SNRK: variants seen among roughly 807,000 people sequenced by gnomAD.
SNRK encodes the protein SNF related kinase.
SNRK carries 3 observed loss-of-function variants against 48.2 expected under a neutral mutation model. The ratio of observed to expected loss-of-function variants is 0.06; its 90% confidence interval spans 0.03 to 0.16. SNRK has a LOEUF of 0.16. Among genes scored for constraint, SNRK ranks in the 10% least tolerant of loss-of-function variants. The pLI is 1.00. For missense variants in SNRK, 627 were observed against 976.0 expected (o/e 0.64, Z 4.76); for synonymous variants, 376 against 366.1 (o/e 1.03, Z -0.31).
Position 43,328,685 on chromosome 3 carries a change from T to A in SNRK, c.590-3484T>A, listed in dbSNP as rs534396584. On this transcript the variant is annotated intron_variant, in intron 3 of 6. Coordinates refer to ENST00000296088, the MANE Select transcript of SNRK (RefSeq NM_017719.5). ...AAGCTCCTGAATCATCACCTTTTTT[T>A]AAAAAAAACCTGAATTACTAAGAAT... Among the ~76,000 whole-genome samples the A allele has an allele frequency of 8.7e-4, 133 of 152,190 alleles. 1 individual carries two copies. Among genetic ancestry groups the A allele is most frequent in the Non-Finnish European group, 1.1e-3 (78 of 67,988 alleles).
At chr3:43,295,979 T>G (rs1449781995) in intron 1 of SNRK, among the ~76,000 whole-genome samples, 4 of 152,128 alleles carry the variant, frequency 2.6e-5, no homozygotes, top group African/African-American at 9.7e-5. Context: ...CCTCAAGTAA[T>G]CTATCCGCTT....
At chr3:43,343,589 T>A in intron 6 of SNRK, 111 bp downstream of exon 6, 1 of 1,200,430 alleles carries the variant, frequency 8.3e-7, no homozygotes, top group Non-Finnish European at 1.2e-6. Context: ...GTACAAACAG[T>A]GATGACGGCC....
At chr3:43,305,345 G>A (rs2090929300) in intron 3 of SNRK, among the ~76,000 whole-genome samples, 1 of 152,040 alleles carries the variant, frequency 6.6e-6, no homozygotes, top group Non-Finnish European at 1.5e-5. Context: ...TACAGCAGGG[G>A]AATAATTCGT....
chr3:43,308,503 G>A (rs1256601279), intron 3 of SNRK, among the ~76,000 whole-genome samples: 1 of 152,148 alleles, frequency 6.6e-6, no homozygotes, highest in Non-Finnish European at 1.5e-5. Flanking sequence ...AAATCCTAGG[G>A]CCATTAAGAA....
At position 43,305,429 on chromosome 3, in the gene SNRK, T is replaced by C. The variant is rs927890085; in HGVS notation, c.589+1637T>C. ...TGATTGGATCTCACAAGCATACTTT[T>C]TAAGAGAAACAAAGCAAATTGATGA... is the stretch of plus-strand genomic sequence containing the variant. On this transcript the variant is annotated intron_variant, in intron 3 of 6. Transcript: ENST00000296088. 6.6e-5 allele frequency among the ~76,000 whole-genome samples: 10 copies of C among 152,154 alleles called. No homozygotes were observed. The East Asian group carries it at 1.9e-3, about 29-fold the overall frequency.
intron 1 of SNRK, among the ~76,000 whole-genome samples, chr3:43,288,099 A>G (rs2090780150): frequency 6.6e-6 from 1 of 152,230 alleles, no homozygotes; most frequent in Admixed American, 6.5e-5. Context: ...TTACAGAACT[A>G]GAAATGAGAG....
intron 3 of SNRK, among the ~76,000 whole-genome samples, chr3:43,317,068 CT>C (rs1370212195): frequency 2.0e-5 from 3 of 152,086 alleles, no homozygotes; most frequent in African/African-American, 7.2e-5. Context: ...CTGTAAAATC[CT>C]GTGTAAAATG....
Position 43,348,240 on chromosome 3 carries a change from A to G in SNRK, c.1981A>G (p.Ser661Gly), listed in dbSNP as rs747678664. The change falls in exon 7 of 7, where the codon AGC becomes GGC. Residue 661 changes from serine to glycine, a missense_variant. By Grantham distance (56) the Ser-to-Gly change is moderately conservative (BLOSUM62 0). Transcript: ENST00000296088. Reference protein sequence around the residue: ...SLCLGSQLHGSTKYIIDPQNG... With the variant: ...SLCLGSQLHGGTKYIIDPQNG... ...CTGCCTCGGCTCCCAGCTTCATGGG[A>G]GCACCAAGTACATTATTGATCCACA... is the stretch of plus-strand genomic sequence containing the variant. 46 of 1,613,714 alleles carry G rather than the reference A, an allele frequency of 2.9e-5. No homozygotes were observed. Among genetic ancestry groups the G allele is most frequent in the Non-Finnish European group, 3.6e-5 (43 of 1,179,872 alleles).
In SNRK at chr3:43,300,056, T is replaced by A. The variant is rs541134544; in HGVS notation, c.-107+241T>A. On this transcript the variant is annotated intron_variant, in intron 2 of 6. Coordinates refer to ENST00000296088, the MANE Select transcript of SNRK (RefSeq NM_017719.5). Reference sequence around the variant, plus strand: ...TTCGTCTAAACTTTCAGTTAATCATTGTGTCCTGTTCTTAGCTATACAATT... The same window carrying A: ...TTCGTCTAAACTTTCAGTTAATCATAGTGTCCTGTTCTTAGCTATACAATT... 3.6e-4 allele frequency among the ~76,000 whole-genome samples: 55 copies of A among 152,334 alleles called. No individual in the cohort carries two copies. The Middle Eastern group carries it at 0.014, about 38-fold the overall frequency.
At chr3:43,293,906 G>A (rs1379401664) in intron 1 of SNRK, among the ~76,000 whole-genome samples, 1 of 151,566 alleles carries the variant, frequency 6.6e-6, no homozygotes, top group Non-Finnish European at 1.5e-5. Flanking sequence ...GTGACAGAGT[G>A]AGGCTCTGTC....
intron 1 of SNRK, among the ~76,000 whole-genome samples, chr3:43,290,878 T>C (rs1211739941): frequency 2.0e-5 from 3 of 152,230 alleles, no homozygotes; most frequent in Non-Finnish European, 4.4e-5. Context: ...ATGATCCTTA[T>C]GTGAACTGAG....
chr3:43,336,581 C>T (rs1160893942), intron 4 of SNRK, among the ~76,000 whole-genome samples: 1 of 152,182 alleles, frequency 6.6e-6, no homozygotes, highest in Non-Finnish European at 1.5e-5. Flanking sequence ...ATCCTCCAGC[C>T]TCTGCCTCCC....
chr3:43,347,087 A>G lies in SNRK; in HGVS notation c.1080-252A>G, dbSNP rs952989631. 14 of 416,770 alleles carry G rather than the reference A, an allele frequency of 3.4e-5. No individual in the cohort carries two copies. The highest frequency in any genetic ancestry group is 6.4e-4 in the Middle Eastern group (1 of 1,562). 25.8% of individuals were successfully genotyped at this position (416,770 alleles called of 1,614,324 possible). On this transcript the variant is annotated intron_variant, in intron 6 of 6. Coordinates refer to ENST00000296088, the MANE Select transcript of SNRK (RefSeq NM_017719.5). This position sits in a 1 kb window ranked among gnomAD's most constrained non-coding sequence, Gnocchi z 5.4. ...AAAAGATGGAGTAGCTCTTTGCCCT[A>G]TTTTCTTTTCTGACACCTGTGATGA...
At chr3:43,325,089 A>G (rs938749466) in intron 3 of SNRK, among the ~76,000 whole-genome samples, 1 of 152,224 alleles carries the variant, frequency 6.6e-6, no homozygotes, top group Non-Finnish European at 1.5e-5. Context: ...ATTTTTATCA[A>G]CTGGTGTTTT....
chr3:43,325,581 G>A (rs75173230), intron 3 of SNRK, among the ~76,000 whole-genome samples: 24 of 152,200 alleles, frequency 1.6e-4, no homozygotes, highest in African/African-American at 5.8e-4. Flanking sequence ...ATTCATATAG[G>A]TCTCTAATCT....
intron 4 of SNRK, among the ~76,000 whole-genome samples, chr3:43,336,634 G>A (rs2091191161): frequency 6.6e-6 from 1 of 151,940 alleles, no homozygotes; most frequent in Admixed American, 6.6e-5. Flanking sequence ...ACCCTGCCAA[G>A]GTTTTTCTTT....
Position 43,348,143 on chromosome 3 carries a change from C to T in SNRK, c.1884C>T (p.Gly628=), listed in dbSNP as rs1157547588. The T allele has an allele frequency of 6.3e-7, 1 of 1,579,752 alleles. No individual in the cohort carries two copies. Among genetic ancestry groups the T allele is most frequent in the Admixed American group, 1.8e-5 (1 of 55,314 alleles). ...NTSGTTRRCA[G]PSNSMQLASR... ...CGGGTACCACACGCCGCTGTGCCGGCCCCAGCAACTCCATGCAGCTGGCCT... is the reference window on the plus strand; with the variant it reads ...CGGGTACCACACGCCGCTGTGCCGGTCCCAGCAACTCCATGCAGCTGGCCT... The change falls in exon 7 of 7, where the codon GGC becomes GGT. Residue 628 remains glycine (G), a synonymous_variant. Coordinates refer to ENST00000296088, the MANE Select transcript of SNRK (RefSeq NM_017719.5).
At chr3:43,330,044 A>G (rs1331576052) in intron 3 of SNRK, among the ~76,000 whole-genome samples, 2 of 152,164 alleles carry the variant, frequency 1.3e-5, no homozygotes, top group Non-Finnish European at 2.9e-5. Flanking sequence ...ATGTCATTAA[A>G]CTCATTTTAT....
At position 43,347,533 on chromosome 3, in the gene SNRK, C is replaced by G. The variant is rs1329757276; in HGVS notation, c.1274C>G (p.Ser425Cys). The change falls in exon 7 of 7, where the codon TCT (serine) becomes TGT (cysteine). Residue 425 changes from serine (S) to cysteine (C), a missense_variant. Physicochemically the swap from Ser to Cys is moderately radical, Grantham distance 112. Transcript: ENST00000296088. This position sits in a 1 kb window ranked among gnomAD's most constrained non-coding sequence, Gnocchi z 5.4. ...DLPELAGPAL[S>C]TVPPASLKPT... is the part of the protein sequence containing the mutation. ...CCTGAGTTGGCTGGACCAGCACTCT[C>G]TACGGTGCCACCCGCAAGCTTAAAA... 1.2e-6 allele frequency: 2 copies of G among 1,613,430 alleles called. No homozygotes were observed. Among genetic ancestry groups the G allele is most frequent in the Non-Finnish European group, 8.5e-7 (1 of 1,179,744 alleles).
Sources: allele counts gnomAD v4.1 joint callset (sites outside exome capture counted in the v4.1 genomes callset), GRCh38; gene constraint gnomAD v4.1.1; non-coding constraint Gnocchi (gnomAD v3.1); transcripts MANE v1.5; gene names NCBI Gene and HGNC (gene_info 2026-07-23, HGNC 2026-07-21).